The following PPOX variants were observed in gnomAD, a reference collection of about 807,000 sequenced individuals.
The protein encoded by PPOX is variegate porphyria.
A neutral mutation model predicts 54.1 loss-of-function variants in PPOX; 23 were observed. That is an observed-to-expected ratio of 0.43 (90% CI 0.31 to 0.60). The LOEUF (loss-of-function observed/expected upper bound fraction) is 0.60. Ranked by LOEUF, PPOX falls within the 20% of genes least tolerant of loss-of-function variation. The pLI is 0.13. For missense variants in PPOX, 512 were observed against 601.1 expected, an observed-to-expected ratio of 0.85 and a Z score of 1.55; for synonymous variants, 224 against 236.1, an observed-to-expected ratio of 0.95 and a Z score of 0.47.
intron 3 of PPOX, 30 bp from the exon 4 acceptor site, chr1:161,167,341 T>TC: frequency 6.2e-7 from 1 of 1,613,938 alleles, no homozygotes; most frequent in Non-Finnish European, 8.5e-7. Flanking sequence ...TCCCTTAGTT[T>TC]CTCCTCTTCT....
upstream of PPOX, chr1:161,166,310 T>C (rs1338687234): frequency 9.8e-7 from 1 of 1,022,224 alleles, no homozygotes; most frequent in Non-Finnish European, 1.2e-6. Flanking sequence ...ACAGCTGCCG[T>C]CGCTCCGCCT....
chr1:161,176,667 G>A, intron 4 of PPOX: 1 of 600,812 alleles, frequency 1.7e-6, no homozygotes, highest in South Asian at 2.1e-5. Flanking sequence ...CAGGCGAAGT[G>A]AAGGAAAGTG....
At chr1:161,168,737 G>A (rs1049125122) in intron 6 of PPOX, among the ~76,000 whole-genome samples, 161 bp downstream of exon 6, 3 of 152,102 alleles carry the variant, frequency 2.0e-5, no homozygotes, top group East Asian at 1.9e-4. Flanking sequence ...AGATCGGCTC[G>A]CTGCAACCTC....
At chr1:161,176,701 G>A in intron 4 of PPOX, 3 of 640,170 alleles carry the variant, frequency 4.7e-6, no homozygotes, top group Non-Finnish European at 8.1e-6. Context: ...AGGAGGAGCA[G>A]GAGATGGTAG....
Position 161,166,828 on chromosome 1 carries a change from C to T in PPOX, c.-8-12C>T, listed in dbSNP as rs879329309. 204 of 1,612,408 alleles carry T rather than the reference C, an allele frequency of 1.3e-4. No individual in the cohort carries two copies. Among genetic ancestry groups the T allele is most frequent in the Non-Finnish European group, 1.3e-4 (152 of 1,179,988 alleles). ...CCCGGTCTGCCTGTCCATATCGCCCCCTTTCCCCCAGGTTTCCGCATGGGC... is the reference window on the plus strand; with the variant it reads ...CCCGGTCTGCCTGTCCATATCGCCCTCTTTCCCCCAGGTTTCCGCATGGGC... On this transcript the variant is annotated splice_polypyrimidine_tract_variant and intron_variant, in intron 1 of 12. Coordinates refer to ENST00000367999, the MANE Select transcript of PPOX (RefSeq NM_001122764.3).
At chr1:161,175,854 T>C (rs201757475), downstream of PPOX, 38 of 1,614,130 alleles carry the variant, frequency 2.4e-5, no homozygotes, top group East Asian at 1.3e-4. Context: ...CTTGAGGAGC[T>C]GGAGGACCCC....
downstream of PPOX, chr1:161,173,506 G>A: frequency 3.2e-6 from 5 of 1,546,156 alleles, no homozygotes; most frequent in Non-Finnish European, 3.5e-6. Flanking sequence ...CAGGACCAGG[G>A]AGCTAAAGGT....
At position 161,167,163 on chromosome 1, in the gene PPOX, G is replaced by A. The variant is rs1191596742; in HGVS notation, c.151G>A (p.Gly51Ser). Residue 51 changes from glycine to serine, a missense_variant, in exon 3 of 13, where the codon GGT (glycine) becomes AGT (serine). By Grantham distance (56) the Gly-to-Ser change is moderately conservative. Coordinates refer to ENST00000367999, the MANE Select transcript of PPOX (RefSeq NM_001122764.3). ...GATTCGCTCCGTTCGAGGCCCTAAT[G>A]GTGCTATCTTTGAGCTTGGACCTCG... Reference protein sequence around the residue: ...GWIRSVRGPNGAIFELGPRGI... With the variant: ...GWIRSVRGPNSAIFELGPRGI... 6.2e-7 allele frequency: 1 copy of A among 1,614,182 alleles called. No homozygotes were observed. Among genetic ancestry groups the A allele is most frequent in the Non-Finnish European group, 8.5e-7 (1 of 1,180,042 alleles).
intron 9 of PPOX, 89 bp from the exon 10 acceptor site, chr1:161,170,320 G>GGGGGGGGGGCGCCCC: frequency 2.0e-6 from 1 of 494,792 alleles, no homozygotes; most frequent in Non-Finnish European, 4.0e-6. Flanking sequence ...GTGAGACTCT[G>GGGGGGGGGGCGCCCC]TCCCCCCCAC....
chr1:161,175,056 G>C (rs898095278), downstream of PPOX: 2 of 1,614,036 alleles, frequency 1.2e-6, no homozygotes, highest in Non-Finnish European at 1.7e-6. Flanking sequence ...GCAGGTGGTA[G>C]AGCAGCAGGC....
upstream of PPOX, chr1:161,166,170 C>T (rs1159518091): frequency 2.0e-6 from 2 of 983,236 alleles, no homozygotes; most frequent in African/African-American, 1.7e-5. Flanking sequence ...CCTAGCTGGA[C>T]CTGGTAAGCT....
Position 161,166,942 on chromosome 1 carries a change from C to T in PPOX, c.87+8C>T. On this transcript the variant is annotated splice_region_variant and intron_variant, in intron 2 of 12. Coordinates refer to ENST00000367999, the MANE Select transcript of PPOX (RefSeq NM_001122764.3). ...GCCCCCTGCCCCCCTAAGGTGAGTG[C>T]TCCACTTGTGCCAGAGGGAGCTTCA... 1.2e-6 allele frequency: 2 copies of T among 1,613,782 alleles called. No individual in the cohort carries two copies. Among genetic ancestry groups the T allele is most frequent in the Admixed American group, 1.7e-5 (1 of 60,026 alleles).
intron 4 of PPOX, chr1:161,176,765 T>G (rs1663689156): frequency 8.4e-7 from 1 of 1,193,980 alleles, no homozygotes; most frequent in East Asian, 2.6e-5. Flanking sequence ...AGGTTCATAC[T>G]TAACCACCCC....
downstream of PPOX, chr1:161,175,167 A>G (rs766117559): frequency 3.7e-6 from 6 of 1,613,744 alleles, no homozygotes; most frequent in South Asian, 6.6e-5. Context: ...CTACCCGGGG[A>G]TTCCGCTCCA....
At chr1:161,177,732 A>G (rs1387902698), downstream of PPOX, 4 of 152,762 alleles carry the variant, frequency 2.6e-5, no homozygotes, top group African/African-American at 4.8e-5. Flanking sequence ...GATTTGTAAA[A>G]GCAGAAGCTC....
At position 161,168,981 on chromosome 1, in the gene PPOX, C is replaced by T. The variant is rs1305067198; in HGVS notation, c.617-12C>T. On this transcript the variant is annotated splice_polypyrimidine_tract_variant and intron_variant, in intron 6 of 12. Transcript: ENST00000367999. ...ATCCAGCCTCAATGATTCTTCTTTG[C>T]TTCCTCTGCAGGGCGGACCCCACAG... The T allele has an allele frequency of 1.9e-6, 3 of 1,613,290 alleles. No homozygotes were observed. The highest frequency in any genetic ancestry group is 2.7e-5 in the African/African-American group (2 of 74,916).
downstream of PPOX, chr1:161,171,607 A>G: frequency 1.5e-6 from 1 of 653,492 alleles, no homozygotes; most frequent in Non-Finnish European, 2.6e-6. Flanking sequence ...TCACAGTCAT[A>G]AGCCCTACAG....
At chr1:161,169,262 T>C (rs1235539293) in intron 7 of PPOX, 79 bp downstream of exon 7, 2 of 1,518,456 alleles carry the variant, frequency 1.3e-6, no homozygotes, top group African/African-American at 1.4e-5. Context: ...CCAGGGCCGA[T>C]AGGACTGGAG....
chr1:161,174,402 CAA>C (rs554703903), downstream of PPOX, among the ~76,000 whole-genome samples: 7 of 55,744 alleles, frequency 1.3e-4, no homozygotes, highest in Admixed American at 3.9e-4. Flanking sequence ...AGTGAGATCT[CAA>C]AAAAAAAAAA....
Sources: allele counts gnomAD v4.1 joint callset (sites outside exome capture counted in the v4.1 genomes callset), GRCh38; gene constraint gnomAD v4.1.1; transcripts MANE v1.5; gene names NCBI Gene and HGNC (gene_info 2026-07-23, HGNC 2026-07-21).